NFIB: variants seen among roughly 807,000 people sequenced by gnomAD.
NFIB encodes the protein nuclear factor 1 B-type.
Under a neutral mutation model 61.5 loss-of-function variants are expected in NFIB, and 11 were observed. That is an observed-to-expected ratio of 0.18 (90% confidence interval 0.11 to 0.30). The LOEUF is 0.30. NFIB is among the 10% of genes least tolerant of loss of function. The pLI, the probability that NFIB is intolerant of heterozygous loss-of-function variation, is 1.00. For synonymous variants in NFIB, 260 were observed against 216.5 expected (o/e 1.20, Z -1.76); for missense variants, 471 against 608.9 (o/e 0.77, Z 2.38).
At chr9:14,411,644 C>T in the NFIB span, among the ~76,000 whole-genome samples, 7 of 152,154 alleles carry the variant, frequency 4.6e-5, no homozygotes, top group African/African-American at 1.4e-4. Context: ...CTCTTTTCCT[C>T]CTGTGGCCTT....
intron 2 of NFIB, among the ~76,000 whole-genome samples, chr9:14,193,539 G>T (rs1226268653): frequency 2.0e-5 from 3 of 152,084 alleles, no homozygotes; most frequent in Non-Finnish European, 2.9e-5. Context: ...GTTTCCTTTA[G>T]GAAATGGTTC....
chr9:14,158,855 C>T (rs62532512), intron 3 of NFIB, among the ~76,000 whole-genome samples: 2 of 152,022 alleles, frequency 1.3e-5, no homozygotes, highest in East Asian at 3.9e-4. Flanking sequence ...TACAAAGTAA[C>T]AACCAAAGAA....
intron 2 of NFIB, among the ~76,000 whole-genome samples, chr9:14,241,434 A>G (rs73645022): frequency 0.15 from 22,769 of 152,014 alleles, 2,013 homozygotes; most frequent in Middle Eastern, 0.2. Flanking sequence ...TGAATTATTA[A>G]TTTTCCTAGG....
chr9:14,292,273 T>C (rs1588162806), intron 2 of NFIB, among the ~76,000 whole-genome samples: 1 of 152,162 alleles, frequency 6.6e-6, no homozygotes, highest in Non-Finnish European at 1.5e-5. Flanking sequence ...AGAAGATCTG[T>C]AGGGATTTTC....
the NFIB span, among the ~76,000 whole-genome samples, chr9:14,508,298 G>C: frequency 6.6e-6 from 1 of 152,126 alleles, no homozygotes; most frequent in Non-Finnish European, 1.5e-5. Context: ...AGCAGCAGTT[G>C]AGTGTAGTGG....
At chr9:14,299,483 T>C (rs1409244114) in intron 2 of NFIB, among the ~76,000 whole-genome samples, 1 of 152,212 alleles carries the variant, frequency 6.6e-6, no homozygotes, top group Non-Finnish European at 1.5e-5. Context: ...TAAAACTGCA[T>C]GTATTTAACA....
chr9:14,432,735 G>A, the NFIB span, among the ~76,000 whole-genome samples: 3 of 152,170 alleles, frequency 2.0e-5, no homozygotes, highest in African/African-American at 7.2e-5. Flanking sequence ...TTAGGAAGAG[G>A]AGACCTCAGA....
At chr9:14,179,517 A>T (rs1273349284) in intron 3 of NFIB, among the ~76,000 whole-genome samples, 1 of 152,238 alleles carries the variant, frequency 6.6e-6, no homozygotes, top group Non-Finnish European at 1.5e-5. Context: ...AACAAAAATT[A>T]AAACATTGGT....
intron 2 of NFIB, among the ~76,000 whole-genome samples, chr9:14,238,761 C>A (rs2054054685): frequency 6.6e-6 from 1 of 152,148 alleles, no homozygotes; most frequent in South Asian, 2.1e-4. Flanking sequence ...AGTGTCTATT[C>A]TCCACGTCTC....
At chr9:14,438,670 C>T in the NFIB span, among the ~76,000 whole-genome samples, 5 of 152,132 alleles carry the variant, frequency 3.3e-5, no homozygotes, top group African/African-American at 9.7e-5. Flanking sequence ...AATAGAATTC[C>T]TCATCTGACA....
At chr9:14,130,105 GT>G (rs1365459289) in intron 6 of NFIB, among the ~76,000 whole-genome samples, 1 of 151,776 alleles carries the variant, frequency 6.6e-6, no homozygotes. Flanking sequence ...CTTTTCACTT[GT>G]ACCTGGCTGA....
intron 1 of NFIB, among the ~76,000 whole-genome samples, chr9:14,353,839 G>A (rs1038937686): frequency 1.3e-5 from 2 of 150,272 alleles, no homozygotes; most frequent in African/African-American, 4.9e-5. Flanking sequence ...AGTGGAGAGC[G>A]AGAGGGGTTT....
chr9:14,127,749 A>G (rs561859300), intron 6 of NFIB, among the ~76,000 whole-genome samples: 15 of 152,310 alleles, frequency 9.8e-5, no homozygotes, highest in African/African-American at 3.6e-4. Flanking sequence ...ATAAAATTAA[A>G]TATGCATTTT....
chr9:14,195,374 T>A (rs1164704686), intron 2 of NFIB, among the ~76,000 whole-genome samples: 1 of 152,196 alleles, frequency 6.6e-6, no homozygotes, highest in Non-Finnish European at 1.5e-5. Context: ...AAATATTGTA[T>A]TTTTTAGAAA....
the NFIB span, among the ~76,000 whole-genome samples, chr9:14,512,247 T>C: frequency 6.6e-6 from 1 of 152,142 alleles, no homozygotes; most frequent in East Asian, 1.9e-4. Flanking sequence ...CAGGTACATG[T>C]AGCTGGTGAA....
At chr9:14,144,181 C>T (rs2042049696) in intron 6 of NFIB, among the ~76,000 whole-genome samples, 1 of 151,984 alleles carries the variant, frequency 6.6e-6, no homozygotes. Flanking sequence ...ATGACAGTTT[C>T]CCTTCTACTT....
At chr9:14,225,464 A>G (rs2052262263) in intron 2 of NFIB, among the ~76,000 whole-genome samples, 1 of 119,186 alleles carries the variant, frequency 8.4e-6, no homozygotes, top group Non-Finnish European at 1.6e-5. Context: ...CTCAAAAAAA[A>G]AAAAAAAAAA....
At chr9:14,123,180 C>T (rs1304386022) in intron 7 of NFIB, among the ~76,000 whole-genome samples, 1 of 150,942 alleles carries the variant, frequency 6.6e-6, no homozygotes, top group Admixed American at 6.6e-5. Context: ...TTGCTTGAAC[C>T]TGGGAGGCAG....
At chr9:14,139,660 C>T (rs143132798) in intron 6 of NFIB, among the ~76,000 whole-genome samples, 15 of 152,268 alleles carry the variant, frequency 9.9e-5, no homozygotes, top group East Asian at 5.8e-4. Flanking sequence ...TAATCAGTAC[C>T]AGCCCTTCTA....
Sources: allele counts gnomAD v4.1 joint callset (sites outside exome capture counted in the v4.1 genomes callset), GRCh38; gene constraint gnomAD v4.1.1; transcripts MANE v1.5; gene names NCBI Gene and HGNC (gene_info 2026-07-23, HGNC 2026-07-21).